The following ALK variants were observed in gnomAD, a reference collection of about 807,000 sequenced individuals.
ALK encodes the protein ALK tyrosine kinase receptor.
Under a neutral mutation model 163.1 loss-of-function variants are expected in ALK, and 74 were observed. That is an observed-to-expected ratio of 0.45 (90% CI 0.38 to 0.55). The LOEUF is 0.55. Ranked by LOEUF, ALK falls within the 20% of genes least tolerant of loss-of-function variation. The pLI, the probability that ALK is intolerant of heterozygous loss-of-function variation, is 0.00. For missense variants in ALK, 2,063 were observed against 2,105.3 expected (o/e 0.98, Z 0.39); for synonymous variants, 960 against 843.2 (o/e 1.14, Z -2.40).
At chr2:29,716,800 T>A (rs1254361230) in intron 2 of ALK, among the ~76,000 whole-genome samples, 1 of 151,822 alleles carries the variant, frequency 6.6e-6, no homozygotes. Flanking sequence ...TTCTTAACTG[T>A]AAGGGGCCCT....
chr2:29,772,693 T>C (rs1174070907), intron 1 of ALK, among the ~76,000 whole-genome samples: 1 of 152,032 alleles, frequency 6.6e-6, no homozygotes, highest in East Asian at 1.9e-4. Context: ...AGATGGAGGG[T>C]AAGGGGTAGA....
At chr2:29,847,139 G>A (rs760468230) in intron 1 of ALK, among the ~76,000 whole-genome samples, 1 of 152,092 alleles carries the variant, frequency 6.6e-6, no homozygotes, top group Admixed American at 6.6e-5. Flanking sequence ...AAGAGAAGCC[G>A]TGTTCCCAGG....
At chr2:29,416,694 C>T (rs1217489027) in intron 4 of ALK, among the ~76,000 whole-genome samples, 1 of 152,152 alleles carries the variant, frequency 6.6e-6, no homozygotes, top group Non-Finnish European at 1.5e-5. Flanking sequence ...CTCCTTTTGG[C>T]TCTGTAGACT....
At chr2:29,314,663 T>C (rs1666780176) in intron 8 of ALK, among the ~76,000 whole-genome samples, 1 of 152,188 alleles carries the variant, frequency 6.6e-6, no homozygotes, top group Admixed American at 6.5e-5. Context: ...ACTGCTTCCA[T>C]GCCTTGGAGG....
At chr2:29,673,144 G>T (rs1373118158) in intron 3 of ALK, among the ~76,000 whole-genome samples, 1 of 145,394 alleles carries the variant, frequency 6.9e-6, no homozygotes, top group Non-Finnish European at 1.5e-5. Flanking sequence ...TCACTCTGAT[G>T]GTAGTTTCTT....
intron 1 of ALK, among the ~76,000 whole-genome samples, chr2:29,749,045 G>A (rs923517690): frequency 7.9e-5 from 12 of 152,176 alleles, no homozygotes; most frequent in African/African-American, 2.9e-4. Flanking sequence ...TGATCATACT[G>A]AAGGTGTGTC....
At chr2:29,319,944 C>T (rs1020312357) in intron 7 of ALK, among the ~76,000 whole-genome samples, 2 of 152,250 alleles carry the variant, frequency 1.3e-5, no homozygotes, top group Non-Finnish European at 2.9e-5. Context: ...GAGAGACCTT[C>T]CCACCCCATC....
chr2:29,314,002 C>G (rs76654224), intron 8 of ALK, among the ~76,000 whole-genome samples: 1 of 152,068 alleles, frequency 6.6e-6, no homozygotes, highest in South Asian at 2.1e-4. Flanking sequence ...TGCCTGCTGC[C>G]GAGGTCGGGG....
intron 5 of ALK, among the ~76,000 whole-genome samples, chr2:29,373,234 T>C (rs1005596205): frequency 6.6e-6 from 1 of 152,230 alleles, no homozygotes; most frequent in Non-Finnish European, 1.5e-5. Context: ...TGGAAATTCA[T>C]TGAACATTTT....
chr2:29,759,891 A>G (rs1680651478), intron 1 of ALK, among the ~76,000 whole-genome samples: 1 of 152,234 alleles, frequency 6.6e-6, no homozygotes, highest in African/African-American at 2.4e-5. Context: ...CTTTGCCAAT[A>G]TGAAAGCAAA....
At position 29,778,374 on chromosome 2, in the gene ALK, G is replaced by A. The variant is rs770846201; in HGVS notation, c.668-60677C>T. On this transcript the variant is annotated intron_variant, in intron 1 of 28. Transcript: ENST00000389048. ...AAGAATGCCTATGTGGTTGGACCAGGCTCCAAGGAAGGGTCATGGTCACAG... is the reference window on the plus strand; with the variant it reads ...AAGAATGCCTATGTGGTTGGACCAGACTCCAAGGAAGGGTCATGGTCACAG... 5.5e-4 allele frequency among the ~76,000 whole-genome samples: 83 copies of A among 152,188 alleles called. 1 individual carries two copies. The highest frequency in any genetic ancestry group is 2.2e-4 in the Non-Finnish European group (15 of 68,030).
intron 1 of ALK, among the ~76,000 whole-genome samples, chr2:29,854,484 T>C (rs1178203398): frequency 6.6e-6 from 1 of 152,164 alleles, no homozygotes; most frequent in East Asian, 1.9e-4. Context: ...ACCATGATTG[T>C]AGGCTGAGGC....
At chr2:29,202,331 C>T (rs1439479244) in intron 26 of ALK, among the ~76,000 whole-genome samples, 1 of 152,236 alleles carries the variant, frequency 6.6e-6, no homozygotes, top group Non-Finnish European at 1.5e-5. Context: ...GCCTGATTGT[C>T]TTAGAGCACT....
At chr2:29,546,735 G>A (rs891155361) in intron 3 of ALK, among the ~76,000 whole-genome samples, 1 of 152,152 alleles carries the variant, frequency 6.6e-6, no homozygotes, top group Non-Finnish European at 1.5e-5. Context: ...TTTGCTAAGA[G>A]GTAGCGGCTT....
At chr2:29,511,194 C>A (rs952428017) in intron 4 of ALK, among the ~76,000 whole-genome samples, 38 of 152,116 alleles carry the variant, frequency 2.5e-4, no homozygotes, top group Non-Finnish European at 5.3e-4. Context: ...AGTTGTTACA[C>A]TGAGAAACCA....
At chr2:29,684,903 T>G (rs932444842) in intron 3 of ALK, among the ~76,000 whole-genome samples, 1 of 152,254 alleles carries the variant, frequency 6.6e-6, no homozygotes, top group Non-Finnish European at 1.5e-5. Context: ...TCTCCGAGCT[T>G]CTAACTATAG....
intron 12 of ALK, among the ~76,000 whole-genome samples, chr2:29,247,546 C>T: frequency 6.6e-6 from 1 of 152,256 alleles, no homozygotes; most frequent in East Asian, 1.9e-4. Flanking sequence ...CCCCGCACCC[C>T]CTTCCTCTCC....
At chr2:29,296,118 C>T (rs763518622) in intron 9 of ALK, among the ~76,000 whole-genome samples, 13 of 152,140 alleles carry the variant, frequency 8.5e-5, no homozygotes, top group African/African-American at 2.7e-4. Context: ...TGCAGAGCCA[C>T]GTGGAGTTAA....
chr2:29,222,709 G>T (rs941497595), intron 20 of ALK, 102 bp from the exon 21 acceptor site: 16 of 960,962 alleles, frequency 1.7e-5, no homozygotes, highest in Non-Finnish European at 2.6e-5. Flanking sequence ...GGACAAACAC[G>T]AGAGGCGGGG....
Sources: allele counts gnomAD v4.1 joint callset (sites outside exome capture counted in the v4.1 genomes callset), GRCh38; gene constraint gnomAD v4.1.1; transcripts MANE v1.5; gene names NCBI Gene and HGNC (gene_info 2026-07-23, HGNC 2026-07-21).